Variants in RYR2 observed in about 807,000 individuals in gnomAD.
RYR2 encodes cardiac muscle ryanodine receptor-calcium release channel.
RYR2 carries 227 observed loss-of-function variants against 601.1 expected under a neutral mutation model. The observed-to-expected ratio is 0.38, with a 90% CI of 0.34 to 0.42. The LOEUF (loss-of-function observed/expected upper bound fraction) is 0.42. Ranked by LOEUF, RYR2 falls within the 10% of genes least tolerant of loss-of-function variation. The probability of loss-of-function intolerance (pLI) is 1.00; values close to 1 mark genes in which losing one functional copy is unlikely to be tolerated. For missense variants in RYR2, 4,646 were observed against 6,156.5 expected (o/e 0.75, Z 8.21); for synonymous variants, 2,223 against 2,175.1 (o/e 1.02, Z -0.61).
At chr1:237,694,277 C>T (rs978595124) in intron 63 of RYR2, among the ~76,000 whole-genome samples, 18 of 140,776 alleles carry the variant, frequency 1.3e-4, no homozygotes, top group African/African-American at 4.6e-4. Flanking sequence ...CTGGGCGACA[C>T]GGCGAGACTC....
intron 58 of RYR2, among the ~76,000 whole-genome samples, chr1:237,668,685 GCTT>G (rs1258771718): frequency 1.3e-5 from 2 of 152,156 alleles, no homozygotes; most frequent in Admixed American, 6.5e-5. Context: ...TGCCAATAAA[GCTT>G]CTACTTTTTA....
At chr1:237,616,946 G>C (rs995406126) in intron 37 of RYR2, among the ~76,000 whole-genome samples, 1 of 152,096 alleles carries the variant, frequency 6.6e-6, no homozygotes, top group Non-Finnish European at 1.5e-5. Context: ...TCACTACCAC[G>C]AGAACAGCAT....
At chr1:237,730,228 AC>A (rs755616827) in intron 76 of RYR2, 31 bp from the exon 77 acceptor site, 4 of 1,222,098 alleles carry the variant, frequency 3.3e-6, no homozygotes, top group Non-Finnish European at 4.9e-6. Context: ...TTTTCTAAAC[AC>A]CCTTTTTCTG....
chr1:237,591,693 A>G, intron 31 of RYR2, 46 bp from the exon 32 acceptor site: 1 of 1,472,738 alleles, frequency 6.8e-7, no homozygotes, highest in East Asian at 2.3e-5. Flanking sequence ...TGAAGTAGAC[A>G]GAACATTTTA....
chr1:237,747,784 A>G (rs1035368827), intron 80 of RYR2, among the ~76,000 whole-genome samples: 1 of 152,232 alleles, frequency 6.6e-6, no homozygotes, highest in Non-Finnish European at 1.5e-5. Context: ...TAAAAATTAA[A>G]GATATAGCTA....
chr1:237,639,292 T>C (rs920411232), intron 46 of RYR2, 91 bp downstream of exon 46: 2 of 1,200,038 alleles, frequency 1.7e-6, no homozygotes, highest in African/African-American at 3.1e-5. Context: ...AATTGTAATA[T>C]AACTTGTGGT....
At chr1:237,785,639 A>C (rs1695488410) in intron 90 of RYR2, among the ~76,000 whole-genome samples, 1 of 152,232 alleles carries the variant, frequency 6.6e-6, no homozygotes, top group Non-Finnish European at 1.5e-5. Flanking sequence ...TAGTTAGATA[A>C]GAATGAAGAG....
chr1:237,232,212 G>C (rs976144348), intron 1 of RYR2, among the ~76,000 whole-genome samples: 3 of 152,052 alleles, frequency 2.0e-5, no homozygotes, highest in Admixed American at 6.5e-5. Context: ...AATTACTTCT[G>C]GTCACCTAAA....
chr1:237,286,055 G>T lies in RYR2; in HGVS notation c.168+15439G>T, dbSNP rs555137896. On this transcript the variant is annotated intron_variant, in intron 2 of 104. Transcript: ENST00000366574. ...CTGATCTTGGTTATTTCTTTCTTCT[G>T]CTGGGTTTGGGTTTGGTTTGTTTTT... 3.9e-5 allele frequency among the ~76,000 whole-genome samples: 6 copies of T among 151,942 alleles called. No individual in the cohort carries two copies. In the South Asian group the frequency reaches 1.0e-3, roughly 26 times the overall value.
chr1:237,547,227 A>G (rs1199514999), intron 25 of RYR2, among the ~76,000 whole-genome samples: 1 of 151,780 alleles, frequency 6.6e-6, no homozygotes, highest in Non-Finnish European at 1.5e-5. Flanking sequence ...GCTGGTCTCG[A>G]ACTCCTGGCC....
intron 80 of RYR2, chr1:237,743,755 A>G (rs1457724190): frequency 2.4e-6 from 1 of 414,960 alleles, no homozygotes; most frequent in Non-Finnish European, 4.8e-6. Flanking sequence ...ACAAGTTTGT[A>G]GCTCCAATGC....
Position 237,683,393 on chromosome 1 carries a change from C to T in RYR2, c.9017+2816C>T, listed in dbSNP as rs577980395. Among the ~76,000 whole-genome samples, 29 of 152,158 alleles carry T rather than the reference C, an allele frequency of 1.9e-4. No homozygotes were observed. The South Asian group carries it at 4.1e-3, about 22-fold the overall frequency. On this transcript the variant is annotated intron_variant, in intron 62 of 104. Coordinates refer to ENST00000366574, the MANE Select transcript of RYR2 (RefSeq NM_001035.3). The stretch of plus-strand genomic sequence containing the variant: ...GAGTATACTTTGCAGTAGCTAAATA[C>T]GTGAATATGAGTATAGCCCTAGTGA...
At chr1:237,763,706 A>G (rs1693613763) in intron 84 of RYR2, among the ~76,000 whole-genome samples, 2 of 152,252 alleles carry the variant, frequency 1.3e-5, no homozygotes, top group Non-Finnish European at 2.9e-5. Context: ...TTCTGAATAC[A>G]TGCTATTGCC....
intron 12 of RYR2, among the ~76,000 whole-genome samples, chr1:237,429,339 A>C (rs1706545247): frequency 6.6e-6 from 1 of 152,140 alleles, no homozygotes; most frequent in South Asian, 2.1e-4. Flanking sequence ...CGGTGGACAC[A>C]GGGTTATCTC....
At chr1:237,330,419 G>T (rs763905020) in intron 2 of RYR2, among the ~76,000 whole-genome samples, 1 of 152,170 alleles carries the variant, frequency 6.6e-6, no homozygotes, top group Non-Finnish European at 1.5e-5. Context: ...ACGGAGTCTC[G>T]CTCTGTCGCC....
chr1:237,701,767 G>A (rs1378938164), intron 65 of RYR2, among the ~76,000 whole-genome samples: 1 of 151,920 alleles, frequency 6.6e-6, no homozygotes, highest in Non-Finnish European at 1.5e-5. Flanking sequence ...TATAAGTGAG[G>A]ACATGTGATA....
At chr1:237,478,203 C>T (rs936544404) in intron 17 of RYR2, among the ~76,000 whole-genome samples, 9 of 152,268 alleles carry the variant, frequency 5.9e-5, no homozygotes, top group African/African-American at 2.2e-4. Flanking sequence ...ATCTTCTTTG[C>T]TGCTATGTTT....
At chr1:237,378,137 C>T (rs1701182738) in intron 8 of RYR2, among the ~76,000 whole-genome samples, 1 of 152,104 alleles carries the variant, frequency 6.6e-6, no homozygotes, top group African/African-American at 2.4e-5. Flanking sequence ...TGCAGGGGAA[C>T]TCCTCTTTTT....
chr1:237,177,667 T>G (rs1678208162), intron 1 of RYR2, among the ~76,000 whole-genome samples: 1 of 152,196 alleles, frequency 6.6e-6, no homozygotes, highest in South Asian at 2.1e-4. Context: ...CTCTATTTTG[T>G]AAATATGCAG....
Sources: gnomAD v4.1 joint callset for allele counts (sites outside exome capture counted in the v4.1 genomes callset) on GRCh38, gnomAD v4.1.1 for gene constraint, MANE v1.5 for transcripts, NCBI Gene and HGNC (gene_info 2026-07-23, HGNC 2026-07-21) for gene names.